Variants in CRISPLD2 observed in about 807,000 individuals in gnomAD.
The protein encoded by CRISPLD2 is cysteine rich secretory protein LCCL domain containing 2.
Under a neutral mutation model 71.1 loss-of-function variants are expected in CRISPLD2, and 47 were observed. That is an observed-to-expected ratio of 0.66 (90% confidence interval 0.52 to 0.84). The LOEUF (loss-of-function observed/expected upper bound fraction) is 0.84, where lower values mean the gene tolerates loss of function less well. Among genes scored for constraint, CRISPLD2 ranks in the 40% least tolerant of loss-of-function variants. The probability of loss-of-function intolerance (pLI) is 0.00; values close to 1 mark genes in which losing one functional copy is unlikely to be tolerated. For synonymous variants in CRISPLD2, 317 were observed against 250.1 expected, an observed-to-expected ratio of 1.27 and a Z score of -2.52; for missense variants, 830 against 651.1, an observed-to-expected ratio of 1.27 and a Z score of -2.99.
At chr16:84,831,275 C>T (rs1445428716) in intron 1 of CRISPLD2, among the ~76,000 whole-genome samples, 1 of 152,100 alleles carries the variant, frequency 6.6e-6, no homozygotes, top group East Asian at 1.9e-4. Flanking sequence ...ACATGAATCC[C>T]CCAGACCTGG....
chr16:84,861,312 CA>C (rs1917373504), intron 6 of CRISPLD2, among the ~76,000 whole-genome samples: 2 of 152,178 alleles, frequency 1.3e-5, no homozygotes, highest in Non-Finnish European at 2.9e-5. Flanking sequence ...TCTAGAGCAA[CA>C]GAACTAATAG....
intron 7 of CRISPLD2, 110 bp downstream of exon 7, chr16:84,867,150 G>A: frequency 1.8e-6 from 2 of 1,109,758 alleles, no homozygotes; most frequent in Non-Finnish European, 1.3e-6. Context: ...TCCACAGGCA[G>A]TGGCAAACAG....
chr16:84,853,204 G>T (rs1357554924), intron 5 of CRISPLD2, among the ~76,000 whole-genome samples: 3 of 152,198 alleles, frequency 2.0e-5, no homozygotes, highest in Non-Finnish European at 4.4e-5. Context: ...GTAGACACAA[G>T]GGGAAACTTG....
intron 13 of CRISPLD2, among the ~76,000 whole-genome samples, chr16:84,888,420 C>G (rs189351937): frequency 6.6e-6 from 1 of 152,226 alleles, no homozygotes; most frequent in Non-Finnish European, 1.5e-5. Context: ...ACTGTAGTCC[C>G]AGCTACTTGG....
chr16:84,821,149 T>C (rs988928749), intron 1 of CRISPLD2, among the ~76,000 whole-genome samples: 2 of 152,230 alleles, frequency 1.3e-5, no homozygotes, highest in African/African-American at 4.8e-5. Flanking sequence ...TTTGGACCTC[T>C]TGCCCTGGTA....
chr16:84,893,906 G>A (rs1246432623), intron 14 of CRISPLD2, among the ~76,000 whole-genome samples: 1 of 152,222 alleles, frequency 6.6e-6, no homozygotes, highest in African/African-American at 2.4e-5. Context: ...TAAGCCCTTG[G>A]CGAGGGGGCG....
At chr16:84,863,985 AG>A in intron 6 of CRISPLD2, among the ~76,000 whole-genome samples, 1 of 137,666 alleles carries the variant, frequency 7.3e-6, no homozygotes, top group African/African-American at 2.8e-5. Flanking sequence ...AGAAAGAAAG[AG>A]AGAGAGAAAA....
intron 13 of CRISPLD2, among the ~76,000 whole-genome samples, chr16:84,888,132 G>A (rs2071629052): frequency 6.6e-6 from 1 of 152,220 alleles, no homozygotes; most frequent in Non-Finnish European, 1.5e-5. Flanking sequence ...GGTGGCAGCA[G>A]GGCTGCTTCC....
intron 3 of CRISPLD2, among the ~76,000 whole-genome samples, chr16:84,846,718 G>T (rs545675571): frequency 1.3e-4 from 20 of 152,256 alleles, no homozygotes; most frequent in Admixed American, 5.9e-4. Flanking sequence ...TGCCTTCCCC[G>T]CGTCATCCAG....
At chr16:84,850,928 T>C (rs1295748927) in intron 5 of CRISPLD2, among the ~76,000 whole-genome samples, 1 of 89,584 alleles carries the variant, frequency 1.1e-5, no homozygotes, top group Admixed American at 1.2e-4. Context: ...AGCACCAACA[T>C]CACATCTCCC....
At chr16:84,833,082 T>A (rs1383713823) in intron 1 of CRISPLD2, among the ~76,000 whole-genome samples, 1 of 152,180 alleles carries the variant, frequency 6.6e-6, no homozygotes, top group Non-Finnish European at 1.5e-5. Flanking sequence ...AGCCACACAG[T>A]CTCCTAAATG....
intron 14 of CRISPLD2, among the ~76,000 whole-genome samples, chr16:84,904,439 C>G (rs900947104): frequency 1.3e-5 from 2 of 152,006 alleles, no homozygotes; most frequent in Non-Finnish European, 2.9e-5. Flanking sequence ...CAAAAATTAG[C>G]CCCGCGTGGT....
chr16:84,831,165 G>A (rs1371475786), intron 1 of CRISPLD2, among the ~76,000 whole-genome samples: 1 of 152,148 alleles, frequency 6.6e-6, no homozygotes, highest in Non-Finnish European at 1.5e-5. Context: ...CGCAGCCATG[G>A]AAGAGGACAG....
At chr16:84,850,819 C>T in intron 5 of CRISPLD2, 136 bp downstream of exon 5, 6 of 683,640 alleles carry the variant, frequency 8.8e-6, no homozygotes, top group South Asian at 1.7e-5. Flanking sequence ...TTTAGTGCAT[C>T]TGGGTTAGCG....
chr16:84,901,421 GTCT>G (rs2071752783), intron 14 of CRISPLD2, among the ~76,000 whole-genome samples: 2 of 149,240 alleles, frequency 1.3e-5, no homozygotes, highest in Admixed American at 1.3e-4. Flanking sequence ...GCTATGATTA[GTCT>G]TTTCCATTTT....
intron 6 of CRISPLD2, among the ~76,000 whole-genome samples, chr16:84,857,772 C>T (rs1917280987): frequency 6.6e-6 from 1 of 152,186 alleles, no homozygotes; most frequent in Non-Finnish European, 1.5e-5. Context: ...TTGGTACAGG[C>T]TGGGGGAAAG....
chr16:84,857,630 C>T (rs1461622037), intron 6 of CRISPLD2, among the ~76,000 whole-genome samples: 3 of 152,218 alleles, frequency 2.0e-5, no homozygotes, highest in African/African-American at 7.2e-5. Flanking sequence ...CAAGCATGTC[C>T]TAGAAAGGGG....
At position 84,850,587 on chromosome 16, in the gene CRISPLD2, A is replaced by G; in HGVS notation, c.512A>G (p.Asn171Ser). ...HYTQIVWATT[N>S]KIGCAVNTCR... is the part of the protein sequence containing the mutation. ...TTTCAGATAGTTTGGGCCACCACCAACAAGATCGGTTGTGCTGTGAACACC... is the reference window on the plus strand; with the variant it reads ...TTTCAGATAGTTTGGGCCACCACCAGCAAGATCGGTTGTGCTGTGAACACC... The change falls in exon 5 of 15, where the codon AAC (asparagine) becomes AGC (serine). Residue 171 changes from asparagine to serine, a missense_variant. Coordinates refer to ENST00000262424, the MANE Select transcript of CRISPLD2 (RefSeq NM_031476.4). 1.9e-6 allele frequency: 3 copies of G among 1,614,134 alleles called. No individual in the cohort carries two copies. The highest frequency in any genetic ancestry group is 2.5e-6 in the Non-Finnish European group (3 of 1,180,022).
chr16:84,872,069 C>G (rs1251091389), intron 8 of CRISPLD2, among the ~76,000 whole-genome samples: 1 of 152,084 alleles, frequency 6.6e-6, no homozygotes, highest in Non-Finnish European at 1.5e-5. Flanking sequence ...TAACAACTAT[C>G]TACATAGCGT....
Sources: allele counts gnomAD v4.1 joint callset (sites outside exome capture counted in the v4.1 genomes callset), GRCh38; gene constraint gnomAD v4.1.1; transcripts MANE v1.5; gene names NCBI Gene and HGNC (gene_info 2026-07-23, HGNC 2026-07-21).